The following ATP6V0A2 variants were observed in gnomAD, a reference collection of about 807,000 sequenced individuals.
ATP6V0A2 encodes V-type proton ATPase 116 kDa subunit a 2.
A neutral mutation model predicts 104.4 loss-of-function variants in ATP6V0A2; 58 were observed. The ratio of observed to expected loss-of-function variants is 0.56; its 90% CI spans 0.45 to 0.69. The LOEUF (loss-of-function observed/expected upper bound fraction) is 0.69, where lower values mean the gene tolerates loss of function less well. Ranked by LOEUF, ATP6V0A2 falls within the 30% of genes least tolerant of loss-of-function variation. The pLI is 0.00. For synonymous variants in ATP6V0A2, 376 were observed against 397.9 expected, an observed-to-expected ratio of 0.95 and a Z score of 0.65; for missense variants, 938 against 1,062.9, an observed-to-expected ratio of 0.88 and a Z score of 1.63.
chr12:123,714,886 C>T (rs1956325539), intron 1 of ATP6V0A2, among the ~76,000 whole-genome samples: 1 of 152,166 alleles, frequency 6.6e-6, no homozygotes, highest in East Asian at 1.9e-4. Flanking sequence ...TCGAGACCAT[C>T]CTGGCCAACA....
intron 1 of ATP6V0A2, among the ~76,000 whole-genome samples, chr12:123,715,358 C>T (rs1956329662): frequency 6.6e-6 from 1 of 152,084 alleles, no homozygotes; most frequent in Non-Finnish European, 1.5e-5. Context: ...GAAGTGGTTA[C>T]TTTTAGTTCG....
At chr12:123,726,161 A>T (rs767409386) in intron 4 of ATP6V0A2, 36 bp from the exon 5 acceptor site, 1 of 1,488,280 alleles carries the variant, frequency 6.7e-7, no homozygotes, top group African/African-American at 1.4e-5. Context: ...TGTCACTTTT[A>T]ATGAGACACA....
At chr12:123,746,173 G>C (rs1233238966) in intron 13 of ATP6V0A2, among the ~76,000 whole-genome samples, 1 of 151,934 alleles carries the variant, frequency 6.6e-6, no homozygotes, top group Admixed American at 6.6e-5. Flanking sequence ...AGGGAACCAA[G>C]GAAGAAAGTT....
At chr12:123,747,989 C>T (rs1031312286) in intron 14 of ATP6V0A2, among the ~76,000 whole-genome samples, 1 of 152,124 alleles carries the variant, frequency 6.6e-6, no homozygotes, top group African/African-American at 2.4e-5. Context: ...AAAGTTGTTG[C>T]CCCAGTGGAG....
At chr12:123,714,511 G>A (rs1566271182) in intron 1 of ATP6V0A2, among the ~76,000 whole-genome samples, 1 of 152,132 alleles carries the variant, frequency 6.6e-6, no homozygotes, top group South Asian at 2.1e-4. Context: ...TCAGCTGATG[G>A]GGAGGACTCC....
At chr12:123,727,741 A>G (rs1438119463) in intron 5 of ATP6V0A2, 42 bp from the exon 6 acceptor site, 2 of 1,612,614 alleles carry the variant, frequency 1.2e-6, no homozygotes, top group Admixed American at 1.7e-5. Context: ...GATAACATTT[A>G]TTGCTTTCAG....
chr12:123,729,622 T>C lies in ATP6V0A2; in HGVS notation c.648+1713T>C, dbSNP rs552825672. Among the ~76,000 whole-genome samples, 17 of 152,212 alleles carry C rather than the reference T, an allele frequency of 1.1e-4. No homozygotes were observed. The East Asian group carries it at 3.1e-3, about 28-fold the overall frequency. On this transcript the variant is annotated intron_variant, in intron 6 of 19. Coordinates refer to ENST00000330342, the MANE Select transcript of ATP6V0A2 (RefSeq NM_012463.4). ...GATATCTGTTTTTTAAACTTCAAAG[T>C]AAAAATAACTGTTGTTTTAAATGAG...
At chr12:123,726,125 T>G (rs1431473327) in intron 4 of ATP6V0A2, 72 bp from the exon 5 acceptor site, 1 of 1,250,452 alleles carries the variant, frequency 8.0e-7, no homozygotes, top group Non-Finnish European at 1.2e-6. Context: ...ATAAACTTGT[T>G]TGAAAATTTG....
rs1444243182 is a variant in ATP6V0A2, at chr12:123,760,500, A to C, written c.*2468A>C. 6.6e-6 allele frequency: 1 copy of C among 152,210 alleles called. No individual in the cohort carries two copies. Among genetic ancestry groups the C allele is most frequent in the Non-Finnish European group, 1.5e-5 (1 of 68,034 alleles). 9.4% of individuals were successfully genotyped at this position (152,210 alleles called of 1,614,324 possible). On this transcript the variant is annotated 3_prime_UTR_variant, in exon 20 of 20. Transcript: ENST00000330342. ...AGAACCTATTATGTATCCAGTTTTT[A>C]AAACATACTTCATTCCCTTGATAGC...
intron 19 of ATP6V0A2, 24 bp from the exon 20 acceptor site, chr12:123,757,903 A>C: frequency 7.2e-7 from 1 of 1,398,040 alleles, no homozygotes; most frequent in Non-Finnish European, 1.0e-6. Context: ...TCTTCCATTA[A>C]TACATGGCTT....
intron 18 of ATP6V0A2, among the ~76,000 whole-genome samples, chr12:123,755,793 C>G (rs1368586841): frequency 6.6e-6 from 1 of 151,498 alleles, no homozygotes. Flanking sequence ...ATTAATAACT[C>G]TCTTATTAGC....
chr12:123,744,484 G>T lies in ATP6V0A2; in HGVS notation c.1327-113G>T. On this transcript the variant is annotated intron_variant, in intron 11 of 19. Coordinates refer to ENST00000330342, the MANE Select transcript of ATP6V0A2 (RefSeq NM_012463.4). The surrounding 1 kb of genome is among the most constrained non-coding windows in gnomAD (Gnocchi z 5.4). ...TCAGCTGCGGCTGACAGGGATGTCT[G>T]CGGGGCGAGGCTGTTTTCTGAGAAG... The T allele has an allele frequency of 6.4e-7, 1 of 1,563,278 alleles. No individual in the cohort carries two copies. Among genetic ancestry groups the T allele is most frequent in the Non-Finnish European group, 8.8e-7 (1 of 1,139,702 alleles).
intron 17 of ATP6V0A2, among the ~76,000 whole-genome samples, chr12:123,752,823 TG>T (rs1956728184): frequency 6.6e-6 from 1 of 152,212 alleles, no homozygotes; most frequent in Non-Finnish European, 1.5e-5. Flanking sequence ...ATTACAGTTT[TG>T]GGGTCTCCAA....
intron 1 of ATP6V0A2, among the ~76,000 whole-genome samples, chr12:123,717,251 G>A (rs1167122537): frequency 6.8e-6 from 1 of 146,012 alleles, no homozygotes; most frequent in Non-Finnish European, 1.5e-5. Flanking sequence ...GAAGGCGAAG[G>A]TTGCAGTGAG....
chr12:123,718,263 G>A (rs1956363522), intron 1 of ATP6V0A2, among the ~76,000 whole-genome samples: 1 of 151,918 alleles, frequency 6.6e-6, no homozygotes, highest in African/African-American at 2.4e-5. Flanking sequence ...GCTAATTTTT[G>A]TGTTTTCGTA....
chr12:123,743,417 G>A (rs1457523996), intron 9 of ATP6V0A2, among the ~76,000 whole-genome samples: 1 of 152,212 alleles, frequency 6.6e-6, no homozygotes, highest in Admixed American at 6.5e-5. Context: ...ACATTGGGAG[G>A]CTGAGACAGG....
chr12:123,757,755 C>T lies in ATP6V0A2; in HGVS notation c.2466-172C>T, dbSNP rs181982519. ...TCTGTTCACACTGGGAAAGCCAGCA[C>T]GGGGTTGGGGGTGCGGGGCAGTGTT... On this transcript the variant is annotated intron_variant, in intron 19 of 19. Transcript: ENST00000330342. Among the ~76,000 whole-genome samples the T allele has an allele frequency of 2.3e-4, 35 of 152,076 alleles. No homozygotes were observed. The East Asian group carries it at 5.4e-3, about 23-fold the overall frequency.
At chr12:123,743,690 AC>A in intron 9 of ATP6V0A2, 94 bp from the exon 10 acceptor site, 1 of 1,472,684 alleles carries the variant, frequency 6.8e-7, no homozygotes, top group Non-Finnish European at 9.4e-7. Context: ...ACCAAAAAAA[AC>A]CAAAAAACAA....
At chr12:123,736,438 C>T (rs1225591406) in intron 8 of ATP6V0A2, among the ~76,000 whole-genome samples, 1 of 152,064 alleles carries the variant, frequency 6.6e-6, no homozygotes. Flanking sequence ...GTGATCCACC[C>T]GCCTCGGCCT....
Sources: gnomAD v4.1 joint callset for allele counts (sites outside exome capture counted in the v4.1 genomes callset) on GRCh38, gnomAD v4.1.1 for gene constraint, Gnocchi (gnomAD v3.1) non-coding constraint, MANE v1.5 for transcripts, NCBI Gene and HGNC (gene_info 2026-07-23, HGNC 2026-07-21) for gene names.